NBAS: variants seen among roughly 807,000 people sequenced by gnomAD.
NBAS encodes the protein NBAS subunit of NRZ tethering complex.
In NBAS, 219 loss-of-function variants were observed where a neutral mutation model predicts 302.5. The observed-to-expected ratio is 0.72, with a 90% CI of 0.65 to 0.81. NBAS has a LOEUF of 0.81. Among genes scored for constraint, NBAS ranks in the 30% least tolerant of loss-of-function variants. NBAS has a pLI of 0.00. For synonymous variants in NBAS, 1,118 were observed against 1,021.6 expected (o/e 1.09, Z -1.80); for missense variants, 2,932 against 2,841.6 (o/e 1.03, Z -0.72).
intron 28 of NBAS, among the ~76,000 whole-genome samples, chr2:15,387,318 CG>C (rs1350317091): frequency 2.6e-5 from 4 of 152,152 alleles, no homozygotes; most frequent in African/African-American, 9.6e-5. Flanking sequence ...CCGCCCGCCT[CG>C]GCCTCCCAAA....
the NBAS span, among the ~76,000 whole-genome samples, chr2:14,848,128 G>C: frequency 1.3e-5 from 2 of 151,944 alleles, no homozygotes; most frequent in Non-Finnish European, 1.5e-5. Flanking sequence ...CGTGAGCGAC[G>C]CAGAAGACGG....
the NBAS span, among the ~76,000 whole-genome samples, chr2:15,158,606 G>A: frequency 2.6e-5 from 4 of 152,182 alleles, no homozygotes; most frequent in Admixed American, 6.5e-5. Flanking sequence ...ACTCCTCTCC[G>A]GCTCCTTCTG....
Position 15,275,561 on chromosome 2 carries a change from A to G in NBAS, c.5647T>C (p.Tyr1883His). 6.2e-7 allele frequency: 1 copy of G among 1,614,014 alleles called. No homozygotes were observed. Among genetic ancestry groups the G allele is most frequent in the Admixed American group, 1.7e-5 (1 of 59,990 alleles). ...WLHAYDVCMKYFDRLHPGDLI... is the reference protein window; with the variant it reads ...WLHAYDVCMKHFDRLHPGDLI... ...TCACCTGGGTGGAGACGATCAAAGT[A>G]CTTCATGCAGACATCATAGGCATGA... Residue 1883 changes from tyrosine to histidine, a missense_variant, in exon 44 of 52, where the codon TAC becomes CAC. Tyr to His is a moderately conservative substitution (Grantham distance 83). Transcript: ENST00000281513.
chr2:14,802,368 T>G, the NBAS span, among the ~76,000 whole-genome samples: 1 of 150,870 alleles, frequency 6.6e-6, no homozygotes, highest in African/African-American at 2.4e-5. Flanking sequence ...CTCTGTTCTG[T>G]TCCATTGATC....
intron 38 of NBAS, among the ~76,000 whole-genome samples, chr2:15,319,823 G>A (rs1351480629): frequency 6.6e-6 from 1 of 152,112 alleles, no homozygotes; most frequent in African/African-American, 2.4e-5. Context: ...GTACAGAGAG[G>A]AGCTGGTACC....
intron 23 of NBAS, among the ~76,000 whole-genome samples, chr2:15,419,335 A>G (rs78376408): frequency 7.3e-4 from 109 of 150,096 alleles, no homozygotes; most frequent in Middle Eastern, 3.4e-3. Flanking sequence ...ATACATATAT[A>G]TGTGTGTGTG....
intron 5 of NBAS, among the ~76,000 whole-genome samples, chr2:15,552,903 C>G (rs1664450586): frequency 1.3e-5 from 2 of 151,628 alleles, no homozygotes; most frequent in South Asian, 4.2e-4. Context: ...CTCCCAGGTT[C>G]AAGCAGTTCT....
intron 10 of NBAS, among the ~76,000 whole-genome samples, chr2:15,506,771 T>C (rs1049684202): frequency 6.6e-6 from 1 of 151,998 alleles, no homozygotes; most frequent in African/African-American, 2.4e-5. Context: ...ATATTATGTA[T>C]GTGACAATGC....
chr2:15,496,632 G>A (rs1178690003), intron 11 of NBAS, among the ~76,000 whole-genome samples: 1 of 151,674 alleles, frequency 6.6e-6, no homozygotes, highest in Non-Finnish European at 1.5e-5. Flanking sequence ...AAGGAAAGAG[G>A]GAGGGAAGAA....
the NBAS span, among the ~76,000 whole-genome samples, chr2:15,030,982 C>T: frequency 6.6e-6 from 1 of 152,186 alleles, no homozygotes; most frequent in African/African-American, 2.4e-5. Flanking sequence ...CCGTGTTCTC[C>T]TTTGTCCCCG....
chr2:14,788,859 A>C, the NBAS span, among the ~76,000 whole-genome samples: 1 of 152,190 alleles, frequency 6.6e-6, no homozygotes, highest in Admixed American at 6.5e-5. Flanking sequence ...GCTCTCTTCA[A>C]AGCTGTCAGA....
At chr2:15,095,706 G>A in the NBAS span, among the ~76,000 whole-genome samples, 3 of 152,124 alleles carry the variant, frequency 2.0e-5, no homozygotes, top group East Asian at 1.9e-4. Flanking sequence ...AAGCACCAAC[G>A]CCCCTCTTAC....
chr2:15,466,936 C>T (rs368484449), intron 19 of NBAS, among the ~76,000 whole-genome samples: 1 of 133,162 alleles, frequency 7.5e-6, no homozygotes, highest in East Asian at 2.5e-4. Flanking sequence ...GATCCTATCT[C>T]AAAAAAAAAA....
the NBAS span, among the ~76,000 whole-genome samples, chr2:14,801,996 T>G: frequency 1.4e-5 from 2 of 147,268 alleles, no homozygotes; most frequent in Non-Finnish European, 3.0e-5. Flanking sequence ...GATGGTAGTT[T>G]CTTTTGCTGT....
chr2:14,781,644 T>A, the NBAS span, among the ~76,000 whole-genome samples: 4 of 151,060 alleles, frequency 2.6e-5, no homozygotes, highest in Non-Finnish European at 4.4e-5. Flanking sequence ...CTGAGAGCCA[T>A]AACCAGACTG....
chr2:15,373,621 G>A lies in NBAS; in HGVS notation c.3703+987C>T, dbSNP rs116116570. 5.1e-3 allele frequency among the ~76,000 whole-genome samples: 769 copies of A among 152,268 alleles called. 8 individuals carry two copies. Among genetic ancestry groups the A allele is most frequent in the African/African-American group, 0.018 (739 of 41,548 alleles). ...GCTGGGACTACAGGTGTGAGCCACT[G>A]TGCCCAGCCTAATGAATTTGTCTGA... is the stretch of plus-strand genomic sequence containing the variant. On this transcript the variant is annotated intron_variant, in intron 31 of 51. Coordinates refer to ENST00000281513, the MANE Select transcript of NBAS (RefSeq NM_015909.4).
intron 44 of NBAS, among the ~76,000 whole-genome samples, chr2:15,273,919 C>CAA (rs540948990): frequency 7.8e-5 from 11 of 140,648 alleles, no homozygotes; most frequent in African/African-American, 2.3e-4. Context: ...ACTAAAAATA[C>CAA]AAAAAAAAAA....
intron 48 of NBAS, among the ~76,000 whole-genome samples, chr2:15,192,447 T>A (rs1040016182): frequency 6.6e-6 from 1 of 152,102 alleles, no homozygotes; most frequent in Non-Finnish European, 1.5e-5. Flanking sequence ...TTGTGGCTGG[T>A]TTCATTATTA....
At chr2:15,262,814 TA>T (rs1281065694) in intron 44 of NBAS, among the ~76,000 whole-genome samples, 9 of 152,104 alleles carry the variant, frequency 5.9e-5, no homozygotes, top group Admixed American at 5.9e-4. Context: ...TAGGGTGGCA[TA>T]AAAAGGCCCT....
Sources: gnomAD v4.1 joint callset for allele counts (sites outside exome capture counted in the v4.1 genomes callset) on GRCh38, gnomAD v4.1.1 for gene constraint, MANE v1.5 for transcripts, NCBI Gene and HGNC (gene_info 2026-07-23, HGNC 2026-07-21) for gene names.